Variants in AFDN observed in about 807,000 individuals in gnomAD.
AFDN encodes afadin, adherens junction formation factor.
In AFDN, 68 loss-of-function variants were observed where a neutral mutation model predicts 216.6. The observed-to-expected ratio is 0.31, with a 90% CI of 0.26 to 0.38. AFDN has a LOEUF of 0.38. Among genes scored for constraint, AFDN ranks in the 10% least tolerant of loss-of-function variants. The probability of loss-of-function intolerance (pLI) is 1.00; values close to 1 mark genes in which losing one functional copy is unlikely to be tolerated. For synonymous variants in AFDN, 868 were observed against 853.7 expected, an observed-to-expected ratio of 1.02 and a Z score of -0.29; for missense variants, 2,136 against 2,342.0, an observed-to-expected ratio of 0.91 and a Z score of 1.82.
intron 2 of AFDN, chr6:167,864,978 G>T: frequency 1.5e-6 from 1 of 667,718 alleles, no homozygotes. Flanking sequence ...TATTAATTTT[G>T]CATATGCTTA....
intron 6 of AFDN, 34 bp downstream of exon 6, chr6:167,880,551 A>G: frequency 2.5e-6 from 4 of 1,595,884 alleles, no homozygotes; most frequent in Non-Finnish European, 3.4e-6. Flanking sequence ...AGTTCTTTCT[A>G]CTTCACATTT....
At chr6:167,932,382 G>T (rs1003924929) in intron 23 of AFDN, among the ~76,000 whole-genome samples, 1 of 152,110 alleles carries the variant, frequency 6.6e-6, no homozygotes, top group South Asian at 2.1e-4. Flanking sequence ...TTTTGGGGAC[G>T]GTCAGCAGGC....
Position 167,966,027 on chromosome 6 carries a change from G to T in AFDN, c.5239G>T (p.Glu1747Ter). The part of the protein sequence containing the change: ...FVAYNEEEEE[E>*]DCSLAGPNSY... ...TGCATACAATGAGGAGGAGGAGGAGGAGGACTGCAGCCTAGCAGGTCAGGA... is the reference window on the plus strand; with the variant it reads ...TGCATACAATGAGGAGGAGGAGGAGTAGGACTGCAGCCTAGCAGGTCAGGA... The change falls in exon 32 of 34, where the codon GAG becomes TAG. Residue 1747 changes from glutamate to a stop codon, truncating the protein, a stop_gained. Transcript: ENST00000683244. LOFTEE classifies it high-confidence loss of function. 6.5e-7 allele frequency: 1 copy of T among 1,547,790 alleles called. No homozygotes were observed.
intron 1 of AFDN, among the ~76,000 whole-genome samples, chr6:167,863,361 C>T (rs1312472435): frequency 1.3e-5 from 2 of 152,164 alleles, no homozygotes; most frequent in Non-Finnish European, 2.9e-5. Context: ...TTAGTTCATA[C>T]TTATTAGTCA....
chr6:167,892,469 T>C (rs891936322), intron 8 of AFDN, among the ~76,000 whole-genome samples: 23 of 152,232 alleles, frequency 1.5e-4, no homozygotes, highest in Non-Finnish European at 8.8e-5. Context: ...TATTAAATTC[T>C]AGAAACTAAT....
At chr6:167,942,765 G>T (rs1314179180) in intron 23 of AFDN, among the ~76,000 whole-genome samples, 2 of 152,132 alleles carry the variant, frequency 1.3e-5, no homozygotes, top group African/African-American at 4.8e-5. Context: ...AAGAACAAGG[G>T]TATAAGGGAG....
intron 23 of AFDN, among the ~76,000 whole-genome samples, chr6:167,939,402 A>T (rs1192783646): frequency 2.6e-5 from 4 of 152,224 alleles, no homozygotes; most frequent in Non-Finnish European, 5.9e-5. Flanking sequence ...TAGTGCTTGT[A>T]GAACTTTTTA....
At chr6:167,938,707 G>A (rs990202807) in intron 23 of AFDN, among the ~76,000 whole-genome samples, 15 of 152,222 alleles carry the variant, frequency 9.9e-5, no homozygotes, top group East Asian at 1.9e-4. Context: ...CAGCTTGCAC[G>A]TTGGCTGTCT....
intron 26 of AFDN, among the ~76,000 whole-genome samples, 193 bp from the exon 27 acceptor site, chr6:167,946,514 T>G (rs1795282609): frequency 6.6e-6 from 1 of 152,220 alleles, no homozygotes; most frequent in African/African-American, 2.4e-5. Flanking sequence ...TATCTTCCCA[T>G]CATTACTAAT....
At chr6:167,852,064 G>C (rs1186626000) in intron 1 of AFDN, among the ~76,000 whole-genome samples, 1 of 152,046 alleles carries the variant, frequency 6.6e-6, no homozygotes, top group African/African-American at 2.4e-5. Flanking sequence ...TTTTAAAGCA[G>C]ATCCTAAAAC....
intron 8 of AFDN, among the ~76,000 whole-genome samples, chr6:167,891,404 GGTGGGTGTGT>G (rs1177814343): frequency 0.011 from 1,458 of 137,992 alleles, 11 homozygotes; most frequent in African/African-American, 0.019. Context: ...TTCATAAAGG[GGTGGGTGTGT>G]GTGTGTGTGT....
At chr6:167,907,666 A>T (rs919100260) in intron 13 of AFDN, among the ~76,000 whole-genome samples, 1 of 152,232 alleles carries the variant, frequency 6.6e-6, no homozygotes, top group Non-Finnish European at 1.5e-5. Flanking sequence ...TCATCTGTTT[A>T]AAAATATGTA....
At chr6:167,876,032 T>C (rs1161397445) in intron 5 of AFDN, among the ~76,000 whole-genome samples, 2 of 152,228 alleles carry the variant, frequency 1.3e-5, no homozygotes, top group African/African-American at 4.8e-5. Context: ...TTTTCCTGAT[T>C]GCCTCAGATG....
chr6:167,914,809 G>A (rs143076713), intron 18 of AFDN, 71 bp downstream of exon 18: 26 of 1,070,542 alleles, frequency 2.4e-5, no homozygotes, highest in Middle Eastern at 4.0e-4. Flanking sequence ...AATGCTTAGC[G>A]TAGGTAAGTG....
rs1331572896 is a variant in AFDN at position 167,915,541 on chromosome 6, G to A, written c.2565+108G>A. 3.8e-6 allele frequency: 5 copies of A among 1,325,768 alleles called. No individual in the cohort carries two copies. In the Admixed American group the frequency reaches 8.1e-5, roughly 21 times the overall value. 82.1% of individuals were successfully genotyped at this position (1,325,768 alleles called of 1,614,324 possible). A position where few individuals can be genotyped will look rare whatever the true frequency, so the allele number is the denominator to read the frequency against. ...GCAAAACCTCAATACCCTCTTTTTG[G>A]GGTTTTTCGTATGTACAAATAATGA... is the stretch of plus-strand genomic sequence containing the variant. On this transcript the variant is annotated intron_variant, in intron 19 of 33. Coordinates refer to ENST00000683244, the MANE Select transcript of AFDN (RefSeq NM_001386888.1).
intron 1 of AFDN, among the ~76,000 whole-genome samples, chr6:167,861,920 T>G (rs577527636): frequency 3.3e-5 from 5 of 152,348 alleles, no homozygotes; most frequent in Admixed American, 2.0e-4. Context: ...TGGAGATTAA[T>G]TGCTTTTTTG....
chr6:167,841,363 A>G (rs1431145217), intron 1 of AFDN, among the ~76,000 whole-genome samples: 2 of 152,176 alleles, frequency 1.3e-5, no homozygotes, highest in Non-Finnish European at 2.9e-5. Context: ...AGGAGACTAC[A>G]AGGAAAAAGT....
intron 30 of AFDN, among the ~76,000 whole-genome samples, chr6:167,959,056 A>G: frequency 6.6e-6 from 1 of 152,266 alleles, no homozygotes; most frequent in East Asian, 1.9e-4. Context: ...CAAAGTTTGT[A>G]TGATTGCGTA....
chr6:167,912,758 A>G (rs901064719), intron 15 of AFDN, among the ~76,000 whole-genome samples: 2 of 152,204 alleles, frequency 1.3e-5, no homozygotes, highest in African/African-American at 4.8e-5. Flanking sequence ...CAGTGAAATC[A>G]CCATTATCAA....
Sources: gnomAD v4.1 joint callset for allele counts (sites outside exome capture counted in the v4.1 genomes callset) on GRCh38, gnomAD v4.1.1 for gene constraint, MANE v1.5 for transcripts, NCBI Gene and HGNC (gene_info 2026-07-23, HGNC 2026-07-21) for gene names.